The following CSPG4 variants were observed in gnomAD, a reference collection of about 807,000 sequenced individuals.
The protein encoded by CSPG4 is chondroitin sulfate proteoglycan 4 (melanoma-associated).
In CSPG4, 74 loss-of-function variants were observed where a neutral mutation model predicts 139.3. That is an observed-to-expected ratio of 0.53 (90% CI 0.44 to 0.64). The LOEUF (loss-of-function observed/expected upper bound fraction) is 0.64. Ranked by LOEUF, CSPG4 falls within the 30% of genes least tolerant of loss-of-function variation. The pLI is 0.00. For missense variants in CSPG4, 2,565 were observed against 3,148.3 expected, an observed-to-expected ratio of 0.81 and a Z score of 4.43; for synonymous variants, 1,234 against 1,394.2, an observed-to-expected ratio of 0.89 and a Z score of 2.56.
chr15:75,683,086 C>T, intron 5 of CSPG4, 45 bp from the exon 6 acceptor site: 1 of 1,569,870 alleles, frequency 6.4e-7, no homozygotes, highest in African/African-American at 1.3e-5. Flanking sequence ...CGCACTCACC[C>T]ACCCCTTCCT....
intron 8 of CSPG4, among the ~76,000 whole-genome samples, chr15:75,678,202 G>A (rs1893921366): frequency 6.6e-6 from 1 of 152,164 alleles, no homozygotes; most frequent in Admixed American, 6.6e-5. Context: ...CTTGTGCACA[G>A]GATCCTATCC....
intron 1 of CSPG4, among the ~76,000 whole-genome samples, chr15:75,695,451 C>A (rs555845200): frequency 1.3e-5 from 2 of 152,062 alleles, no homozygotes; most frequent in Admixed American, 6.5e-5. Context: ...TGGGGCTGAG[C>A]GGGAGGGGCT....
Position 75,696,983 on chromosome 15 carries a change from G to C in CSPG4, c.89-3750C>G, listed in dbSNP as rs887485357. 6.6e-6 allele frequency among the ~76,000 whole-genome samples: 1 copy of C among 152,314 alleles called. No homozygotes were observed. The highest frequency in any genetic ancestry group is 2.1e-4 in the South Asian group (1 of 4,828). On this transcript the variant is annotated intron_variant, in intron 1 of 9. Coordinates refer to ENST00000308508, the MANE Select transcript of CSPG4 (RefSeq NM_001897.5). The surrounding 1 kb of genome is among the most constrained non-coding windows in gnomAD (Gnocchi z 4.2). ...CCTGAGGCTTCCAGCCTGACACCCAGCCCTCTGTCTGACACCAGGCTCCGG... is the reference window on the plus strand; with the variant it reads ...CCTGAGGCTTCCAGCCTGACACCCACCCCTCTGTCTGACACCAGGCTCCGG...
chr15:75,697,865 C>T (rs1360827107), intron 1 of CSPG4, among the ~76,000 whole-genome samples: 1 of 152,172 alleles, frequency 6.6e-6, no homozygotes. Flanking sequence ...CCCATTCATT[C>T]ATTCACTCAA....
Position 75,690,765 on chromosome 15 carries a change from T to C in CSPG4, c.300A>G (p.Ala100=). 6.8e-6 allele frequency: 11 copies of C among 1,612,930 alleles called. No individual in the cohort carries two copies. The highest frequency in any genetic ancestry group is 1.3e-5 in the African/African-American group (1 of 75,066). ...GQEELRLQTP[A]ETLLSDSIPH... ...GGATGGAGTCACTCAGCAGCGTCTC[T>C]GCTGGAGTCTGCAGCCTCAGCTCCT... Residue 100 remains alanine, a synonymous_variant, in exon 3 of 10, where the codon GCA becomes GCG. Transcript: ENST00000308508.
intron 1 of CSPG4, among the ~76,000 whole-genome samples, chr15:75,710,516 C>A (rs1276763466): frequency 1.3e-5 from 2 of 152,142 alleles, no homozygotes; most frequent in African/African-American, 4.8e-5. Flanking sequence ...CTTGGTGGAA[C>A]TCAGAGTACT....
chr15:75,694,816 G>A (rs531662832), intron 1 of CSPG4, among the ~76,000 whole-genome samples: 4 of 152,356 alleles, frequency 2.6e-5, no homozygotes, highest in South Asian at 4.1e-4. Context: ...AGAGCTTGGC[G>A]CCAGCAAGGG....
Position 75,693,247 on chromosome 15 carries a change from G to C in CSPG4, c.89-14C>G, listed in dbSNP as rs771483780. The C allele has an allele frequency of 2.4e-5, 37 of 1,563,446 alleles. No homozygotes were observed. Among genetic ancestry groups the C allele is most frequent in the Non-Finnish European group, 3.0e-5 (35 of 1,154,878 alleles). On this transcript the variant is annotated splice_polypyrimidine_tract_variant and intron_variant, in intron 1 of 9. Coordinates refer to ENST00000308508, the MANE Select transcript of CSPG4 (RefSeq NM_001897.5). ...CGAAGAAGGAAGCTGTGTGAGAGAGGGAGCTGTGGTCAAGGCTCAGACTCT... is the reference window on the plus strand; with the variant it reads ...CGAAGAAGGAAGCTGTGTGAGAGAGCGAGCTGTGGTCAAGGCTCAGACTCT...
Position 75,685,351 on chromosome 15 carries a change from G to C in CSPG4, c.4140C>G (p.Leu1380=), listed in dbSNP as rs1894040387. ...TGGGGAAGTAGGGCCCGGAGACACG[G>C]AGCAGTGGAGGGGCCAGGGTGAGGC... ...GGSLTLAPPL[L]RVSGPYFPTL... is the part of the protein sequence containing the mutation. The change falls in exon 4 of 10, where the codon CTC becomes CTG. Residue 1380 remains leucine, a synonymous_variant. Coordinates refer to ENST00000308508, the MANE Select transcript of CSPG4 (RefSeq NM_001897.5). 5 of 1,610,048 alleles carry C rather than the reference G, an allele frequency of 3.1e-6. No individual in the cohort carries two copies. Among genetic ancestry groups the C allele is most frequent in the Admixed American group, 3.3e-5 (2 of 59,766 alleles).
intron 1 of CSPG4, among the ~76,000 whole-genome samples, chr15:75,694,137 G>T (rs1274957148): frequency 6.6e-6 from 1 of 152,252 alleles, no homozygotes; most frequent in Non-Finnish European, 1.5e-5. Context: ...TGAAGACAGG[G>T]CTTGGGAGGG....
In CSPG4 at chr15:75,688,726, T is replaced by C; in HGVS notation, c.2339A>G (p.Gln780Arg). 1 of 1,611,480 alleles carries C rather than the reference T, an allele frequency of 6.2e-7. No homozygotes were observed. The highest frequency in any genetic ancestry group is 8.5e-7 in the Non-Finnish European group (1 of 1,178,940). The change falls in exon 3 of 10, where the codon CAG becomes CGG. Residue 780 changes from glutamine to arginine, a missense_variant. Gln to Arg is a conservative substitution (Grantham distance 43). This residue lies in a region of CSPG4 where 2,316 missense variants were observed against 2,818.2 expected (regional missense o/e 0.82). Transcript: ENST00000308508. The stretch of plus-strand genomic sequence containing the variant: ...CCGCAGCATCCACACAGTGGCTCTC[T>C]GGATGGTCACTGGGAAGGACAGATT... ...LSNLSFPVTI[Q>R]RATVWMLRLE...
At chr15:75,685,014 A>G in intron 4 of CSPG4, 102 bp from the exon 5 acceptor site, 1 of 1,333,360 alleles carries the variant, frequency 7.5e-7, no homozygotes, top group East Asian at 2.3e-5. Flanking sequence ...TTCATTTTCC[A>G]TTGGTAGAAA....
chr15:75,712,915 T>C (rs1894468421), upstream of CSPG4: 3 of 574,142 alleles, frequency 5.2e-6, no homozygotes, highest in Non-Finnish European at 2.9e-6. Context: ...GCGCGCCCGC[T>C]CGGGTTTCAG....
chr15:75,690,759 C>T lies in CSPG4; in HGVS notation c.306G>A (p.Thr102=), dbSNP rs1285577444. The T allele has an allele frequency of 3.1e-6, 5 of 1,612,982 alleles. No individual in the cohort carries two copies. Among genetic ancestry groups the T allele is most frequent in the East Asian group, 2.2e-5 (1 of 44,904 alleles). Residue 102 remains threonine (T), a synonymous_variant, in exon 3 of 10, where the codon ACG becomes ACA. Coordinates refer to ENST00000308508, the MANE Select transcript of CSPG4 (RefSeq NM_001897.5). ...EELRLQTPAE[T]LLSDSIPHTV... is the part of the protein sequence containing the mutation. ...TGTGGGGGATGGAGTCACTCAGCAG[C>T]GTCTCTGCTGGAGTCTGCAGCCTCA...
intron 8 of CSPG4, chr15:75,679,097 G>T: frequency 4.4e-6 from 1 of 225,594 alleles, no homozygotes; most frequent in Non-Finnish European, 8.8e-6. Context: ...CAGCTGTGCT[G>T]AGACCCCCTT....
At chr15:75,708,384 CA>C (rs1232216746) in intron 1 of CSPG4, among the ~76,000 whole-genome samples, 1 of 130,534 alleles carries the variant, frequency 7.7e-6, no homozygotes, top group Admixed American at 8.1e-5. Flanking sequence ...ACATCAGAGA[CA>C]AAAGTGGCTT....
rs200551937 is a variant in CSPG4 at position 75,689,349 on chromosome 15, C to A, written c.1716G>T (p.Pro572=). ...AGGCCTGGAAAACCTCAGGCCCCAGCGGCTTCTGCGTGTGTTCCAGGATCA... is the reference window on the plus strand; with the variant it reads ...AGGCCTGGAAAACCTCAGGCCCCAGAGGCTTCTGCGTGTGTTCCAGGATCA... ...LMVILEHTQK[P]LGPEVFQAYD... Residue 572 remains proline, a synonymous_variant, in exon 3 of 10, where the codon CCG becomes CCT. Transcript: ENST00000308508. 8 of 1,611,684 alleles carry A rather than the reference C, an allele frequency of 5.0e-6. No homozygotes were observed. In the East Asian group the frequency reaches 1.6e-4, roughly 31 times the overall value.
rs375952889 is a variant in CSPG4, at chr15:75,687,244, C to A, written c.3789+32G>T. Reference sequence around the variant, plus strand: ...CTGGGAGAAGGCCCTCTACCTGGCCCACACCCCTGCTCACCACCTCCAACT... The same window carrying A: ...CTGGGAGAAGGCCCTCTACCTGGCCAACACCCCTGCTCACCACCTCCAACT... On this transcript the variant is annotated intron_variant, in intron 3 of 9. Transcript: ENST00000308508. This position sits in a 1 kb window ranked among gnomAD's most constrained non-coding sequence, Gnocchi z 5.4. The A allele has an allele frequency of 5.8e-5, 93 of 1,607,316 alleles. No individual in the cohort carries two copies. Among genetic ancestry groups the A allele is most frequent in the Non-Finnish European group, 6.2e-5 (73 of 1,179,642 alleles).
chr15:75,706,859 C>T (rs1348536996), intron 1 of CSPG4, among the ~76,000 whole-genome samples: 1 of 152,046 alleles, frequency 6.6e-6, no homozygotes. Context: ...GTTGAGCATC[C>T]CTAATCTGAA....
Sources: allele counts gnomAD v4.1 joint callset (sites outside exome capture counted in the v4.1 genomes callset), GRCh38; gene constraint gnomAD v4.1.1; regional missense constraint gnomAD v4.1.1; non-coding constraint Gnocchi (gnomAD v3.1); transcripts MANE v1.5; gene names NCBI Gene and HGNC (gene_info 2026-07-23, HGNC 2026-07-21).